Variants in UTRN observed in about 807,000 individuals in gnomAD.
The protein encoded by UTRN is dystrophin-related protein 1.
In UTRN, 283 loss-of-function variants were observed where a neutral mutation model predicts 463.9. The ratio of observed to expected loss-of-function variants is 0.61; its 90% CI spans 0.55 to 0.67. The LOEUF is 0.67. UTRN is among the 30% of genes least tolerant of loss of function. The probability of loss-of-function intolerance (pLI) is 0.00; values close to 1 mark genes in which losing one functional copy is unlikely to be tolerated. For synonymous variants in UTRN, 1,442 were observed against 1,431.5 expected (o/e 1.01, Z -0.17); for missense variants, 3,922 against 4,084.3 (o/e 0.96, Z 1.08).
chr6:144,742,952 C>G (rs899566764), intron 54 of UTRN, among the ~76,000 whole-genome samples: 1 of 152,100 alleles, frequency 6.6e-6, no homozygotes, highest in African/African-American at 2.4e-5. Flanking sequence ...TTTGGAATTA[C>G]CATACCTGAA....
At chr6:144,309,888 C>T (rs778517318) in intron 2 of UTRN, among the ~76,000 whole-genome samples, 1 of 152,210 alleles carries the variant, frequency 6.6e-6, no homozygotes, top group East Asian at 1.9e-4. Flanking sequence ...ATGAGGCAGG[C>T]ACCTCCCAGG....
At chr6:144,807,817 G>A (rs113961112) in intron 65 of UTRN, among the ~76,000 whole-genome samples, 3,407 of 152,128 alleles carry the variant, frequency 0.022, 130 homozygotes, top group African/African-American at 0.078. Flanking sequence ...CCTCCTTGAG[G>A]ACTGGGATGA....
chr6:144,842,357 A>T (rs1781659303), intron 73 of UTRN, among the ~76,000 whole-genome samples: 2 of 152,074 alleles, frequency 1.3e-5, no homozygotes, highest in Non-Finnish European at 2.9e-5. Context: ...AGGCAGGTGG[A>T]TCACTTGAGG....
intron 44 of UTRN, among the ~76,000 whole-genome samples, chr6:144,538,465 C>T (rs983518839): frequency 2.0e-5 from 3 of 151,206 alleles, no homozygotes; most frequent in East Asian, 2.0e-4. Flanking sequence ...GTCATGAGAT[C>T]GAGACCATCT....
intron 46 of UTRN, among the ~76,000 whole-genome samples, chr6:144,548,160 TTAAAA>T (rs1798574411): frequency 1.3e-5 from 2 of 152,118 alleles, no homozygotes; most frequent in Non-Finnish European, 2.9e-5. Flanking sequence ...TTTTAAAAAA[TTAAAA>T]TAAAATTTCA....
At chr6:144,542,637 C>G (rs1287927003) in intron 45 of UTRN, among the ~76,000 whole-genome samples, 158 bp from the exon 46 acceptor site, 2 of 152,130 alleles carry the variant, frequency 1.3e-5, no homozygotes, top group Non-Finnish European at 2.9e-5. Flanking sequence ...GGGGCTCAAA[C>G]AAGATTGCAA....
chr6:144,536,000 G>A (rs1183134915), intron 43 of UTRN, among the ~76,000 whole-genome samples: 2 of 152,076 alleles, frequency 1.3e-5, no homozygotes, highest in South Asian at 2.1e-4. Context: ...GGCTGGTCTC[G>A]AACTCCTAGG....
chr6:144,477,533 T>TAC (rs10651559), intron 25 of UTRN, among the ~76,000 whole-genome samples: 38,453 of 146,720 alleles, frequency 0.26, 4,906 homozygotes, highest in South Asian at 0.38. Context: ...TTTCTCTTTA[T>TAC]ACACACACAC....
intron 2 of UTRN, among the ~76,000 whole-genome samples, chr6:144,305,554 G>C (rs1805653650): frequency 1.3e-5 from 2 of 152,214 alleles, no homozygotes; most frequent in African/African-American, 4.8e-5. Flanking sequence ...ACAGAGATTT[G>C]TGTGCACTTG....
chr6:144,807,352 A>C (rs912998036), intron 65 of UTRN, among the ~76,000 whole-genome samples: 3 of 152,168 alleles, frequency 2.0e-5, no homozygotes, highest in Non-Finnish European at 4.4e-5. Flanking sequence ...TATATGAATG[A>C]ACTATCATGA....
At chr6:144,293,999 A>G (rs1038021491) in intron 2 of UTRN, among the ~76,000 whole-genome samples, 2 of 152,228 alleles carry the variant, frequency 1.3e-5, no homozygotes, top group African/African-American at 4.8e-5. Flanking sequence ...AATGTTTTTT[A>G]AAAATTTAGT....
At chr6:144,777,489 GAT>G (rs1439395509) in intron 60 of UTRN, among the ~76,000 whole-genome samples, 1 of 152,154 alleles carries the variant, frequency 6.6e-6, no homozygotes, top group African/African-American at 2.4e-5. Context: ...ATTGTAAGAG[GAT>G]GTAATTAGGC....
At chr6:144,732,721 ATG>A (rs1788877307) in intron 54 of UTRN, among the ~76,000 whole-genome samples, 1 of 144,008 alleles carries the variant, frequency 6.9e-6, no homozygotes, top group African/African-American at 2.6e-5. Context: ...ATGTTATGTT[ATG>A]TTATTTTGAG....
chr6:144,532,455 G>C (rs150028173), intron 42 of UTRN, among the ~76,000 whole-genome samples: 48 of 152,256 alleles, frequency 3.2e-4, no homozygotes, highest in African/African-American at 1.1e-3. Context: ...GCAAAGTGGG[G>C]GAAAAGTCCC....
chr6:144,561,425 T>A (rs771114876), intron 50 of UTRN, among the ~76,000 whole-genome samples: 11 of 151,622 alleles, frequency 7.3e-5, no homozygotes, highest in Non-Finnish European at 1.5e-4. Flanking sequence ...TGCACACTCA[T>A]GTATATACAC....
At chr6:144,495,390 G>T (rs1053739033) in intron 33 of UTRN, among the ~76,000 whole-genome samples, 3 of 152,248 alleles carry the variant, frequency 2.0e-5, no homozygotes, top group African/African-American at 2.4e-5. Flanking sequence ...CCGCTGGCCC[G>T]GTGCTAAGTC....
At chr6:144,332,082 T>C (rs1437287870) in intron 2 of UTRN, among the ~76,000 whole-genome samples, 1 of 152,198 alleles carries the variant, frequency 6.6e-6, no homozygotes, top group African/African-American at 2.4e-5. Context: ...TATCTCCTTC[T>C]CCTCCTTCTG....
chr6:144,557,160 C>G lies in UTRN; in HGVS notation c.7138C>G (p.Leu2380Val). The change falls in exon 50 of 75, where the codon CTG becomes GTG. Residue 2380 changes from leucine (L) to valine (V), a missense_variant. This residue lies in a region of UTRN where 1,309 missense variants were observed against 1,452.6 expected (regional missense o/e 0.90). Coordinates refer to ENST00000367545, the MANE Select transcript of UTRN (RefSeq NM_007124.3). ...LTKQISDNQI[L>V]LQELGPGDGI... ...CAGACCTGCACTTGCACCTCAGATA[C>G]TGCTTCAAGAACTGGGTCCTGGAGA... 1 of 1,613,358 alleles carries G rather than the reference C, an allele frequency of 6.2e-7. No individual in the cohort carries two copies. Among genetic ancestry groups the G allele is most frequent in the Non-Finnish European group, 8.5e-7 (1 of 1,179,596 alleles).
At chr6:144,548,217 G>T (rs1798578896) in intron 46 of UTRN, among the ~76,000 whole-genome samples, 1 of 152,038 alleles carries the variant, frequency 6.6e-6, no homozygotes. Flanking sequence ...AAGTGAATAT[G>T]GGTATAGGTT....
Sources: allele counts gnomAD v4.1 joint callset (sites outside exome capture counted in the v4.1 genomes callset), GRCh38; gene constraint gnomAD v4.1.1; regional missense constraint gnomAD v4.1.1; transcripts MANE v1.5; gene names NCBI Gene and HGNC (gene_info 2026-07-23, HGNC 2026-07-21).